The following KAZN variants were observed in gnomAD, a reference collection of about 807,000 sequenced individuals.
The protein encoded by KAZN is kazrin, periplakin interacting protein.
A neutral mutation model predicts 87.4 loss-of-function variants in KAZN; 40 were observed. The ratio of observed to expected loss-of-function variants is 0.46; its 90% CI spans 0.36 to 0.60. The LOEUF (loss-of-function observed/expected upper bound fraction) is 0.60, where lower values mean the gene tolerates loss of function less well. KAZN is among the 20% of genes least tolerant of loss of function. The pLI is 0.00. For missense variants in KAZN, 898 were observed against 1,073.9 expected (o/e 0.84, Z 2.29); for synonymous variants, 466 against 458.3 (o/e 1.02, Z -0.22).
At chr1:14,141,895 G>A (rs1438352523) in intron 1 of KAZN, among the ~76,000 whole-genome samples, 1 of 152,174 alleles carries the variant, frequency 6.6e-6, no homozygotes, top group Non-Finnish European at 1.5e-5. Context: ...ATGGGAAATG[G>A]CTGGATGCTA....
At chr1:14,504,734 G>GAAACATTA (rs1261894974) in intron 2 of KAZN, among the ~76,000 whole-genome samples, 1 of 152,170 alleles carries the variant, frequency 6.6e-6, no homozygotes, top group Non-Finnish European at 1.5e-5. Context: ...GAGTTCTTTG[G>GAAACATTA]AAACATTAAT....
At chr1:13,950,310 C>T (rs535416774) in intron 1 of KAZN, among the ~76,000 whole-genome samples, 9 of 152,314 alleles carry the variant, frequency 5.9e-5, no homozygotes, top group Non-Finnish European at 1.0e-4. Context: ...CCTCTTCTGG[C>T]ATCCCACATT....
intron 1 of KAZN, among the ~76,000 whole-genome samples, chr1:14,081,505 GTTT>G (rs1363956327): frequency 6.6e-6 from 1 of 151,974 alleles, no homozygotes; most frequent in Non-Finnish European, 1.5e-5. Context: ...GCTAGGAATG[GTTT>G]CACATTTTCA....
Position 15,034,774 on chromosome 1 carries a change from A to G in KAZN, c.444A>G (p.Leu148=), listed in dbSNP as rs1303644878. Residue 148 remains leucine (L), a synonymous_variant, in exon 3 of 15, where the codon TTA becomes TTG. Transcript: ENST00000376030. ...LQAMKADRKR[L]KGEKTDLVSQ... is the part of the protein sequence containing the mutation. ...CCATGAAAGCTGATCGGAAGCGCTT[A>G]AAGGGCGAGAAGACAGACCTGGTGA... 1.2e-6 allele frequency: 2 copies of G among 1,614,004 alleles called. No homozygotes were observed. Among genetic ancestry groups the G allele is most frequent in the Non-Finnish European group, 1.7e-6 (2 of 1,180,008 alleles).
At chr1:14,464,128 G>T (rs1667991285) in intron 2 of KAZN, among the ~76,000 whole-genome samples, 1 of 152,190 alleles carries the variant, frequency 6.6e-6, no homozygotes, top group African/African-American at 2.4e-5. Flanking sequence ...TTAATCCACG[G>T]TGGAACTTCG....
At chr1:14,276,215 G>A (rs2100698149) in intron 2 of KAZN, among the ~76,000 whole-genome samples, 1 of 150,188 alleles carries the variant, frequency 6.7e-6, no homozygotes. Flanking sequence ...CCTTTATCAA[G>A]TTAAGGAAAT....
intron 2 of KAZN, among the ~76,000 whole-genome samples, chr1:15,014,606 A>T (rs908958094): frequency 5.6e-4 from 85 of 152,156 alleles, no homozygotes; most frequent in African/African-American, 2.0e-3. Flanking sequence ...CTTGTGTGGG[A>T]GAGCATTTGC....
intron 2 of KAZN, among the ~76,000 whole-genome samples, chr1:14,471,027 G>A (rs1408976058): frequency 2.0e-5 from 3 of 152,176 alleles, no homozygotes; most frequent in Admixed American, 6.5e-5. Flanking sequence ...TCCCTTGGAA[G>A]TGAGTCTTTC....
chr1:14,157,808 G>T (rs951028488), intron 1 of KAZN, among the ~76,000 whole-genome samples: 3 of 152,160 alleles, frequency 2.0e-5, no homozygotes, highest in Admixed American at 1.3e-4. Context: ...TGCTGGGGGG[G>T]CCTCAGGAAG....
intron 2 of KAZN, among the ~76,000 whole-genome samples, chr1:14,449,060 T>C (rs1222087061): frequency 6.6e-6 from 1 of 152,202 alleles, no homozygotes; most frequent in Admixed American, 6.5e-5. Context: ...TCCACGACAA[T>C]GTTGATGACT....
intron 2 of KAZN, among the ~76,000 whole-genome samples, chr1:14,289,396 T>C (rs1378065323): frequency 6.6e-6 from 1 of 152,260 alleles, no homozygotes; most frequent in African/African-American, 2.4e-5. Context: ...TTAGGATAGT[T>C]AGGTCTTCTT....
At chr1:14,173,672 C>A (rs1890588) in intron 1 of KAZN, among the ~76,000 whole-genome samples, 25,484 of 147,920 alleles carry the variant, frequency 0.17, 2,119 homozygotes, top group East Asian at 0.34. Context: ...CGCCCCGCCC[C>A]GCCCAACTTG....
Position 14,089,900 on chromosome 1 carries a change from A to G in KAZN, c.92-90535A>G, listed in dbSNP as rs143190886. Among the ~76,000 whole-genome samples the G allele has an allele frequency of 6.5e-3, 994 of 152,252 alleles. 10 individuals are homozygous for G. The South Asian group carries it at 0.066, about 10-fold the overall frequency. ...ATTTAAAAAATATTTTTAGCTCACTATAGAATTTCTTTTGTATTTTAAAGA... is the reference window on the plus strand; with the variant it reads ...ATTTAAAAAATATTTTTAGCTCACTGTAGAATTTCTTTTGTATTTTAAAGA... On this transcript the variant is annotated intron_variant, in intron 1 of 16. Transcript: ENST00000636203.
intron 1 of KAZN, among the ~76,000 whole-genome samples, chr1:13,947,521 C>G (rs1641191256): frequency 6.6e-6 from 1 of 152,168 alleles, no homozygotes; most frequent in Non-Finnish European, 1.5e-5. Flanking sequence ...ATATCAGTGA[C>G]ATTGCTTCCT....
intron 2 of KAZN, among the ~76,000 whole-genome samples, chr1:14,456,134 G>A (rs148451345): frequency 3.9e-5 from 6 of 152,252 alleles, no homozygotes; most frequent in Admixed American, 2.6e-4. Context: ...GTGCACCTTC[G>A]TATTTGTGTG....
intron 2 of KAZN, among the ~76,000 whole-genome samples, chr1:14,355,585 C>T (rs1361685183): frequency 6.6e-6 from 1 of 152,112 alleles, no homozygotes; most frequent in East Asian, 1.9e-4. Context: ...CCCCTAATCT[C>T]CCAACCCCCA....
intron 8 of KAZN, among the ~76,000 whole-genome samples, chr1:15,078,051 C>T (rs1269872518): frequency 1.3e-5 from 2 of 152,030 alleles, no homozygotes; most frequent in Non-Finnish European, 2.9e-5. Flanking sequence ...TCATCCTCAC[C>T]AAAGTCACGT....
rs184294247 is a variant in KAZN at position 14,466,772 on chromosome 1, T to C, written c.250-132211T>C. On this transcript the variant is annotated intron_variant, in intron 2 of 16. Coordinates refer to the KAZN transcript ENST00000636203. The stretch of plus-strand genomic sequence containing the variant: ...TCACGAAGTCAGGAGATGGAGACCA[T>C]CCTGGCTAACACGGTGAAACCCTGT... Among the ~76,000 whole-genome samples, 443 of 151,642 alleles carry C rather than the reference T, an allele frequency of 2.9e-3. 2 individuals carry two copies. The highest frequency in any genetic ancestry group is 9.2e-3 in the African/African-American group (380 of 41,354).
At chr1:14,385,186 G>A (rs114842922) in intron 2 of KAZN, among the ~76,000 whole-genome samples, 14,799 of 151,968 alleles carry the variant, frequency 0.097, 995 homozygotes, top group Non-Finnish European at 0.15. Context: ...TTTTTATTTC[G>A]TCTATTTGGT....
Sources: gnomAD v4.1 joint callset for allele counts (sites outside exome capture counted in the v4.1 genomes callset) on GRCh38, gnomAD v4.1.1 for gene constraint, MANE v1.5 for transcripts, NCBI Gene and HGNC (gene_info 2026-07-23, HGNC 2026-07-21) for gene names.